NDE1: variants seen among roughly 807,000 people sequenced by gnomAD.
The protein encoded by NDE1 is nudE neurodevelopment protein 1.
A neutral mutation model predicts 43.4 loss-of-function variants in NDE1; 28 were observed. That is an observed-to-expected ratio of 0.65 (90% CI 0.48 to 0.89). NDE1 has a LOEUF of 0.89. Ranked by LOEUF, NDE1 falls within the 40% of genes least tolerant of loss-of-function variation. NDE1 has a pLI of 0.00. For synonymous variants in NDE1, 184 were observed against 172.0 expected (o/e 1.07, Z -0.55); for missense variants, 441 against 434.1 (o/e 1.02, Z -0.14).
intron 8 of NDE1, among the ~76,000 whole-genome samples, chr16:15,708,440 C>T (rs1025172453): frequency 3.9e-5 from 6 of 152,318 alleles, no homozygotes; most frequent in African/African-American, 1.2e-4. Context: ...GAGGACAGCA[C>T]TGCTGAGTGC....
chr16:15,652,912 C>T (rs59026599), intron 1 of NDE1, among the ~76,000 whole-genome samples: 6,106 of 152,142 alleles, frequency 0.04, 386 homozygotes, highest in African/African-American at 0.13. Flanking sequence ...GCGATCCTTC[C>T]GCCTCAGCCT....
Position 15,687,418 on chromosome 16 carries a change from C to G in NDE1, c.430C>G (p.Gln144Glu). ...CGAAGACTTTGAGCAGCGCTTGAAT[C>G]AGGCCATCGAAAGAAATGCCTTCCT... ...SLEDFEQRLN[Q>E]AIERNAFLES... Residue 144 changes from glutamine to glutamate, a missense_variant, in exon 5 of 9, where the codon CAG (glutamine) becomes GAG (glutamate). Gln to Glu is a conservative substitution (Grantham distance 29). Coordinates refer to ENST00000396354, the MANE Select transcript of NDE1 (RefSeq NM_017668.3). The G allele has an allele frequency of 6.2e-7, 1 of 1,614,198 alleles. No individual in the cohort carries two copies. The highest frequency in any genetic ancestry group is 8.5e-7 in the Non-Finnish European group (1 of 1,180,052).
At position 15,711,725 on chromosome 16, in the gene NDE1, G is replaced by A. The variant is rs142201733; in HGVS notation, c.948-12466G>A. 3.9e-5 allele frequency among the ~76,000 whole-genome samples: 6 copies of A among 151,988 alleles called. No individual in the cohort carries two copies. In the South Asian group the frequency reaches 1.0e-3, roughly 26 times the overall value. ...ATTTTTTTTTTGAGACCGAGTTTTG[G>A]TCTGTCACCCAGGCTGAAGTGCAGT... On this transcript the variant is annotated intron_variant, in intron 8 of 8. Coordinates refer to ENST00000396354, the MANE Select transcript of NDE1 (RefSeq NM_017668.3).
intron 8 of NDE1, chr16:15,717,873 G>C (rs1031681028): frequency 3.6e-6 from 1 of 278,448 alleles, no homozygotes; most frequent in African/African-American, 2.2e-5. Flanking sequence ...CTCTGTCCTG[G>C]AGTCGCCTGG....
chr16:15,711,256 T>G (rs1393247885), intron 8 of NDE1: 1 of 152,226 alleles, frequency 6.6e-6, no homozygotes, highest in African/African-American at 2.4e-5. Flanking sequence ...CTTCCGGGCA[T>G]GCCATCCGCT....
At chr16:15,676,546 CTG>C (rs2037890600) in intron 3 of NDE1, among the ~76,000 whole-genome samples, 1 of 152,114 alleles carries the variant, frequency 6.6e-6, no homozygotes, top group Non-Finnish European at 1.5e-5. Context: ...AGAGATCAAA[CTG>C]TTCCTTTTTT....
chr16:15,704,017 AGTCTGCGTCTCGAGT>A, intron 8 of NDE1: 1 of 1,614,090 alleles, frequency 6.2e-7, no homozygotes, highest in Non-Finnish European at 8.5e-7. Context: ...GTTCCATTGA[AGTCTGCGTCTCGAGT>A]GTCCGTTTCC....
Position 15,717,494 on chromosome 16 carries a change from C to G in NDE1, c.948-6697C>G, listed in dbSNP as rs1319970185. The G allele has an allele frequency of 3.8e-6, 3 of 781,670 alleles. No homozygotes were observed. The East Asian group carries it at 8.1e-5, about 21-fold the overall frequency. 48.4% of individuals were successfully genotyped at this position (781,670 alleles called of 1,614,324 possible). On this transcript the variant is annotated intron_variant, in intron 8 of 8. Transcript: ENST00000396354. ...TCCTCTCCTTCATCCTGTAAAACTC[C>G]ACTCAAGAGCTTCTTCCAGGCCGGG...
chr16:15,721,409 C>T (rs2040475470), intron 8 of NDE1: 4 of 1,614,090 alleles, frequency 2.5e-6, no homozygotes, highest in Non-Finnish European at 2.5e-6. Context: ...AAAAACCACC[C>T]AGAGCCACTT....
intron 1 of NDE1, among the ~76,000 whole-genome samples, chr16:15,653,843 T>G (rs1439395570): frequency 6.6e-6 from 1 of 151,702 alleles, no homozygotes; most frequent in East Asian, 1.9e-4. Context: ...TCCTCCCACC[T>G]CAGCCTCCTG....
chr16:15,696,834 C>T lies in NDE1; in HGVS notation c.921C>T (p.Ser307=). 1 of 1,614,176 alleles carries T rather than the reference C, an allele frequency of 6.2e-7. No individual in the cohort carries two copies. The highest frequency in any genetic ancestry group is 1.1e-5 in the South Asian group (1 of 91,082). The part of the protein sequence containing the change: ...NRDGGERRPS[S]TSVPLGDKGL... Reference sequence around the variant, plus strand: ...ATGGCGGGGAGAGACGGCCAAGCAGCACCAGCGTGCCTTTGGGTGATAAGG... The same window carrying T: ...ATGGCGGGGAGAGACGGCCAAGCAGTACCAGCGTGCCTTTGGGTGATAAGG... The change falls in exon 8 of 9, where the codon AGC becomes AGT. Residue 307 remains serine, a synonymous_variant. Transcript: ENST00000396354.
At chr16:15,700,774 T>C (rs577352869) in intron 8 of NDE1, among the ~76,000 whole-genome samples, 1 of 152,124 alleles carries the variant, frequency 6.6e-6, no homozygotes, top group South Asian at 2.1e-4. Context: ...GACAGGTGTT[T>C]TTAATGTCCC....
At chr16:15,698,400 A>G (rs1758542905) in intron 8 of NDE1, among the ~76,000 whole-genome samples, 1 of 151,922 alleles carries the variant, frequency 6.6e-6, no homozygotes, top group Non-Finnish European at 1.5e-5. Context: ...CTTGTCTCAG[A>G]AAAAAAAGGG....
intron 8 of NDE1, among the ~76,000 whole-genome samples, chr16:15,698,503 G>A (rs996989610): frequency 1.3e-5 from 2 of 152,108 alleles, no homozygotes; most frequent in Non-Finnish European, 2.9e-5. Flanking sequence ...TAGCAGACAC[G>A]TGACAGGAAA....
At position 15,704,764 on chromosome 16, in the gene NDE1, T is replaced by A. The variant is rs533136575; in HGVS notation, c.947+7904T>A. 6.3e-4 allele frequency among the ~76,000 whole-genome samples: 96 copies of A among 152,366 alleles called. 2 individuals carry two copies. The South Asian group carries it at 0.012, about 20-fold the overall frequency. ...GGGACTGCTGCATCTGTTTTGCTGA[T>A]CGTGGAACATACCGCACATGGCGTA... On this transcript the variant is annotated intron_variant, in intron 8 of 8. Coordinates refer to ENST00000396354, the MANE Select transcript of NDE1 (RefSeq NM_017668.3).
intron 4 of NDE1, among the ~76,000 whole-genome samples, chr16:15,684,750 A>G (rs1436417656): frequency 6.6e-6 from 1 of 152,198 alleles, no homozygotes; most frequent in African/African-American, 2.4e-5. Context: ...AGTGGTCCCT[A>G]AAACTAGAAC....
intron 8 of NDE1, among the ~76,000 whole-genome samples, chr16:15,699,263 C>CTTT (rs35193827): frequency 7.2e-5 from 10 of 139,052 alleles, no homozygotes; most frequent in South Asian, 6.9e-4. Flanking sequence ...CATGCCTGGC[C>CTTT]TTTTTTTTTT....
In NDE1 at chr16:15,724,957, C is replaced by G. The variant is rs1028035825; in HGVS notation, c.*706C>G. ...CCAGCTTAATGGCCTTCCCCTCGGCCTCGTTAAGCATCCCTGTGACGCTCT... is the reference window on the plus strand; with the variant it reads ...CCAGCTTAATGGCCTTCCCCTCGGCGTCGTTAAGCATCCCTGTGACGCTCT... On this transcript the variant is annotated 3_prime_UTR_variant, in exon 9 of 9. Coordinates refer to ENST00000396354, the MANE Select transcript of NDE1 (RefSeq NM_017668.3). 1.9e-6 allele frequency: 3 copies of G among 1,613,990 alleles called. No individual in the cohort carries two copies. Among genetic ancestry groups the G allele is most frequent in the African/African-American group, 2.7e-5 (2 of 74,906 alleles).
intron 3 of NDE1, among the ~76,000 whole-genome samples, chr16:15,674,591 C>T (rs182339927): frequency 1.3e-5 from 2 of 152,268 alleles, no homozygotes; most frequent in East Asian, 3.9e-4. Context: ...TTCTTTCTGT[C>T]TCCATGCTAC....
Sources: gnomAD v4.1 joint callset for allele counts (sites outside exome capture counted in the v4.1 genomes callset) on GRCh38, gnomAD v4.1.1 for gene constraint, MANE v1.5 for transcripts, NCBI Gene and HGNC (gene_info 2026-07-23, HGNC 2026-07-21) for gene names.